Variants in RAB31 observed in about 807,000 individuals in gnomAD.
RAB31 encodes RAB31, member RAS oncogene family.
RAB31 carries 21 observed loss-of-function variants against 25.6 expected under a neutral mutation model. The ratio of observed to expected loss-of-function variants is 0.82; its 90% CI spans 0.58 to 1.18. The LOEUF (loss-of-function observed/expected upper bound fraction) is 1.18. RAB31 is among the 50% of genes most tolerant of loss of function. RAB31 has a pLI of 0.00. For missense variants in RAB31, 196 were observed against 250.1 expected (o/e 0.78, Z 1.46); for synonymous variants, 87 against 84.0 (o/e 1.04, Z -0.20).
chr18:9,711,230 G>A (rs563723073), intron 1 of RAB31, among the ~76,000 whole-genome samples: 23 of 152,036 alleles, frequency 1.5e-4, no homozygotes, highest in Admixed American at 5.2e-4. Context: ...TGTCATCCAG[G>A]CTGGAGTGCA....
In RAB31 at chr18:9,791,751, G is replaced by A. The variant is rs1417745029; in HGVS notation, c.120-403G>A. Reference sequence around the variant, plus strand: ...TGGGACCGCAGGTGCCTGCCACCACGCCGCCACCAGGCCTGGCTAATTTTT... The same window carrying A: ...TGGGACCGCAGGTGCCTGCCACCACACCGCCACCAGGCCTGGCTAATTTTT... On this transcript the variant is annotated intron_variant, in intron 2 of 6. Transcript: ENST00000578921. Among the ~76,000 whole-genome samples the A allele has an allele frequency of 3.3e-5, 5 of 151,908 alleles. No homozygotes were observed. In the South Asian group the frequency reaches 8.3e-4, roughly 25 times the overall value.
In RAB31 at chr18:9,832,584, C is replaced by A. The variant is rs374087567; in HGVS notation, c.381-12998C>A. On this transcript the variant is annotated intron_variant, in intron 5 of 6. Coordinates refer to ENST00000578921, the MANE Select transcript of RAB31 (RefSeq NM_006868.4). ...AGGCAGGGGCAGGAGTGGAACGGGC[C>A]GCGAATGTCGGAGTGAAGTGCAGAC... Among the ~76,000 whole-genome samples, 41 of 152,276 alleles carry A rather than the reference C, an allele frequency of 2.7e-4. 1 individual carries two copies. The highest frequency in any genetic ancestry group is 9.6e-4 in the African/African-American group (40 of 41,558).
intron 5 of RAB31, among the ~76,000 whole-genome samples, chr18:9,841,657 A>C (rs1315845228): frequency 6.6e-6 from 1 of 152,058 alleles, no homozygotes; most frequent in African/African-American, 2.4e-5. Flanking sequence ...GATTGGCTTT[A>C]TAGACAGAGA....
chr18:9,758,897 G>A (rs2068273290), intron 1 of RAB31, among the ~76,000 whole-genome samples: 1 of 152,142 alleles, frequency 6.6e-6, no homozygotes, highest in African/African-American at 2.4e-5. Flanking sequence ...CAGTGGCTGG[G>A]ACCGCAAGAC....
At chr18:9,843,689 C>T (rs1278635955) in intron 5 of RAB31, among the ~76,000 whole-genome samples, 1 of 152,080 alleles carries the variant, frequency 6.6e-6, no homozygotes, top group Non-Finnish European at 1.5e-5. Flanking sequence ...TGTGACAGGC[C>T]TGGGTCTTGT....
intron 2 of RAB31, among the ~76,000 whole-genome samples, chr18:9,778,859 A>G (rs2068387675): frequency 2.6e-5 from 4 of 152,234 alleles, no homozygotes; most frequent in Admixed American, 2.0e-4. Context: ...TCAATTCACA[A>G]ATATTTTGTA....
At chr18:9,776,231 G>C (rs181412385) in intron 2 of RAB31, among the ~76,000 whole-genome samples, 2 of 152,164 alleles carry the variant, frequency 1.3e-5, no homozygotes, top group Non-Finnish European at 2.9e-5. Flanking sequence ...CCTTGGCCGC[G>C]TGTGCTTTGG....
chr18:9,719,516 G>A (rs943148874), intron 1 of RAB31, among the ~76,000 whole-genome samples: 2 of 151,082 alleles, frequency 1.3e-5, no homozygotes, highest in South Asian at 4.2e-4. Context: ...TAGTTTGTTT[G>A]TAATCCCACA....
intron 1 of RAB31, chr18:9,734,892 T>A (rs1044045462): frequency 3.8e-5 from 11 of 291,284 alleles, no homozygotes; most frequent in Non-Finnish European, 6.4e-5. Context: ...GAATTGGGCC[T>A]TCATGATGAC....
In RAB31 at chr18:9,725,243, A is replaced by G. The variant is rs546021714; in HGVS notation, c.39+16799A>G. Among the ~76,000 whole-genome samples the G allele has an allele frequency of 3.9e-5, 6 of 152,360 alleles. No homozygotes were observed. In the South Asian group the frequency reaches 1.2e-3, roughly 32 times the overall value. ...TTGATCAAGCATTTTACCAAGGTAA[A>G]TGCTTTGCTTCAGCCCAGAAGCAAA... On this transcript the variant is annotated intron_variant, in intron 1 of 6. Transcript: ENST00000578921.
chr18:9,757,311 T>TG (rs978742421), intron 1 of RAB31, among the ~76,000 whole-genome samples: 5 of 151,998 alleles, frequency 3.3e-5, no homozygotes, highest in Non-Finnish European at 7.4e-5. Flanking sequence ...CGGCCTGCAG[T>TG]GGGGACATGG....
At chr18:9,830,970 A>G (rs577437179) in intron 5 of RAB31, among the ~76,000 whole-genome samples, 19 of 152,360 alleles carry the variant, frequency 1.2e-4, no homozygotes, top group African/African-American at 4.3e-4. Context: ...GACCTGCAGT[A>G]TTAGCTGTCA....
intron 2 of RAB31, among the ~76,000 whole-genome samples, chr18:9,777,572 T>G (rs1280205278): frequency 1.3e-5 from 2 of 152,008 alleles, no homozygotes; most frequent in Non-Finnish European, 2.9e-5. Context: ...TGTACTTTTT[T>G]CTCTCTCTCT....
At chr18:9,761,388 G>A (rs541618001) in intron 1 of RAB31, among the ~76,000 whole-genome samples, 1 of 152,300 alleles carries the variant, frequency 6.6e-6, no homozygotes, top group African/African-American at 2.4e-5. Flanking sequence ...CCTGTAACAA[G>A]CCTGGAGAGT....
intron 5 of RAB31, among the ~76,000 whole-genome samples, chr18:9,820,662 A>G (rs2068620362): frequency 6.6e-6 from 1 of 152,068 alleles, no homozygotes; most frequent in Non-Finnish European, 1.5e-5. Context: ...TGTAGTTCAT[A>G]GTATTATCTC....
At chr18:9,822,702 G>A (rs1052630081) in intron 5 of RAB31, among the ~76,000 whole-genome samples, 7 of 152,126 alleles carry the variant, frequency 4.6e-5, no homozygotes, top group Non-Finnish European at 8.8e-5. Flanking sequence ...GATATAAGGC[G>A]ACGTTCAATA....
In RAB31 at chr18:9,770,998, C is replaced by CA. The variant is rs1251807094; in HGVS notation, c.40-4273dup. 3.3e-5 allele frequency among the ~76,000 whole-genome samples: 5 copies of CA among 151,566 alleles called. No individual in the cohort carries two copies. The South Asian group carries it at 6.3e-4, about 19-fold the overall frequency. On this transcript the variant is annotated intron_variant, in intron 1 of 6. Coordinates refer to ENST00000578921, the MANE Select transcript of RAB31 (RefSeq NM_006868.4). ...CCCACATAGCAAGACCTTGTCTCTG[C>CA]AAAAAAACCCCTAACATTTAAAAAT... is the stretch of plus-strand genomic sequence containing the variant.
At chr18:9,781,227 T>C (rs1199418325) in intron 2 of RAB31, among the ~76,000 whole-genome samples, 1 of 152,224 alleles carries the variant, frequency 6.6e-6, no homozygotes, top group Non-Finnish European at 1.5e-5. Flanking sequence ...TCTTTTCCTC[T>C]AACTTCAAAT....
chr18:9,777,606 GTGTA>G (rs2068378989), intron 2 of RAB31, among the ~76,000 whole-genome samples: 1 of 152,106 alleles, frequency 6.6e-6, no homozygotes, highest in Non-Finnish European at 1.5e-5. Context: ...TTGTGTGTGT[GTGTA>G]TGTGTTTTAA....
Sources: allele counts gnomAD v4.1 joint callset (sites outside exome capture counted in the v4.1 genomes callset), GRCh38; gene constraint gnomAD v4.1.1; transcripts MANE v1.5; gene names NCBI Gene and HGNC (gene_info 2026-07-23, HGNC 2026-07-21).